CBL: variants seen among roughly 807,000 people sequenced by gnomAD.
The protein encoded by CBL is Cbl proto-oncogene.
In CBL, 45 loss-of-function variants were observed where a neutral mutation model predicts 96.9. That is an observed-to-expected ratio of 0.46 (90% CI 0.37 to 0.60). The LOEUF (loss-of-function observed/expected upper bound fraction) is 0.60, where lower values mean the gene tolerates loss of function less well. Among genes scored for constraint, CBL ranks in the 20% least tolerant of loss-of-function variants. The probability of loss-of-function intolerance (pLI) is 0.00; values close to 1 mark genes in which losing one functional copy is unlikely to be tolerated. For synonymous variants in CBL, 420 were observed against 426.8 expected, an observed-to-expected ratio of 0.98 and a Z score of 0.20; for missense variants, 1,024 against 1,143.5, an observed-to-expected ratio of 0.90 and a Z score of 1.51.
chr11:119,256,900 A>AT (rs932652500), intron 2 of CBL, among the ~76,000 whole-genome samples: 5 of 151,964 alleles, frequency 3.3e-5, no homozygotes, highest in African/African-American at 1.2e-4. Context: ...ACATTATTTC[A>AT]TTTTTTTCTA....
chr11:119,218,415 T>C (rs914645579), intron 1 of CBL, among the ~76,000 whole-genome samples: 2 of 152,260 alleles, frequency 1.3e-5, no homozygotes, highest in Admixed American at 1.3e-4. Context: ...CTAAAAGTGA[T>C]ACTAAAACAT....
intron 12 of CBL, among the ~76,000 whole-genome samples, chr11:119,288,674 G>A (rs971937685): frequency 6.6e-6 from 1 of 152,088 alleles, no homozygotes; most frequent in South Asian, 2.1e-4. Context: ...ATACCAGAAC[G>A]CACATGGTCG....
At chr11:119,207,222 A>G (rs1565851837) in intron 1 of CBL, among the ~76,000 whole-genome samples, 1 of 152,204 alleles carries the variant, frequency 6.6e-6, no homozygotes, top group Non-Finnish European at 1.5e-5. Context: ...TTTCCTCCCC[A>G]TCTAGCGCCG....
At chr11:119,250,060 G>A (rs1046467013) in intron 2 of CBL, among the ~76,000 whole-genome samples, 2 of 151,994 alleles carry the variant, frequency 1.3e-5, no homozygotes, top group Non-Finnish European at 2.9e-5. Context: ...GTCCATGCTG[G>A]GCAATTTTTG....
chr11:119,261,966 A>AT (rs549883411), intron 2 of CBL, among the ~76,000 whole-genome samples: 6 of 152,154 alleles, frequency 3.9e-5, no homozygotes, highest in East Asian at 1.9e-4. Context: ...TGTATAAGTG[A>AT]TTTTTTTAAA....
At chr11:119,264,475 C>CT (rs1949784979) in intron 2 of CBL, among the ~76,000 whole-genome samples, 3 of 145,022 alleles carry the variant, frequency 2.1e-5, no homozygotes, top group Non-Finnish European at 3.0e-5. Context: ...TTCTTCTTTT[C>CT]TCTTTTCTTT....
intron 9 of CBL, among the ~76,000 whole-genome samples, chr11:119,280,336 G>A (rs988341688): frequency 2.0e-5 from 3 of 152,102 alleles, no homozygotes; most frequent in African/African-American, 7.2e-5. Flanking sequence ...CTGGATGGTA[G>A]GTAAGTATAT....
chr11:119,301,884 C>G lies in CBL; in HGVS notation c.*2103C>G, dbSNP rs763496685. 1 of 232,904 alleles carries G rather than the reference C, an allele frequency of 4.3e-6. No homozygotes were observed. Among genetic ancestry groups the G allele is most frequent in the Non-Finnish European group, 8.5e-6 (1 of 118,022 alleles). The allele number at this position is 232,904 out of a possible 1,614,324, so 14.4% of individuals were successfully genotyped here. ...TTGCATTTTGTTTAAATATTGAAGG[C>G]CTAGACAAAGAACTAGAAAAAAAAA... On this transcript the variant is annotated 3_prime_UTR_variant, in exon 16 of 16. Coordinates refer to ENST00000264033, the MANE Select transcript of CBL (RefSeq NM_005188.4).
At position 119,304,048 on chromosome 11, in the gene CBL, T is replaced by A. The variant is rs1950118787; in HGVS notation, c.*4267T>A. 4.3e-6 allele frequency: 1 copy of A among 233,530 alleles called. No individual in the cohort carries two copies. Among genetic ancestry groups the A allele is most frequent in the African/African-American group, 2.2e-5 (1 of 45,318 alleles). The allele number at this position is 233,530 out of a possible 1,614,324, so 14.5% of individuals were successfully genotyped here. On this transcript the variant is annotated 3_prime_UTR_variant, in exon 16 of 16. Coordinates refer to ENST00000264033, the MANE Select transcript of CBL (RefSeq NM_005188.4). ...AAAGATCCTTTAGTCAGTTGTTGGG[T>A]CTTCCAAGAGCCAGACATTAATACA...
chr11:119,291,175 T>TCA (rs1950023994), intron 12 of CBL, among the ~76,000 whole-genome samples: 2 of 152,234 alleles, frequency 1.3e-5, no homozygotes, highest in African/African-American at 4.8e-5. Flanking sequence ...GGCAGGAGGA[T>TCA]CACTTGAGTC....
At chr11:119,224,713 C>T (rs996855273) in intron 1 of CBL, among the ~76,000 whole-genome samples, 9 of 151,904 alleles carry the variant, frequency 5.9e-5, no homozygotes, top group Admixed American at 3.9e-4. Flanking sequence ...GCGTCAGCCT[C>T]CTGAGTAGCT....
rs933766443 is a variant in CBL at position 119,306,549 on chromosome 11, T to C, written c.*6768T>C. ...CCTGAAGCAGGGTGTCCTGGGTGCC[T>C]GTGTGTCAGCTCCCTCCTCTCTACC... On this transcript the variant is annotated 3_prime_UTR_variant, in exon 16 of 16. Transcript: ENST00000264033. 1.3e-5 allele frequency: 5 copies of C among 394,622 alleles called. No individual in the cohort carries two copies. The highest frequency in any genetic ancestry group is 2.2e-5 in the Non-Finnish European group (5 of 223,918). The allele number at this position is 394,622 out of a possible 1,614,324, so 24.4% of individuals were successfully genotyped here. A position where few individuals can be genotyped will look rare whatever the true frequency, so the allele number is the denominator to read the frequency against.
At chr11:119,236,597 A>G (rs1204235497) in intron 2 of CBL, among the ~76,000 whole-genome samples, 4 of 40,648 alleles carry the variant, frequency 9.8e-5, no homozygotes, top group African/African-American at 3.3e-4. Context: ...TCTTTTGAGT[A>G]TATATATATA....
At position 119,249,650 on chromosome 11, in the gene CBL, G is replaced by GTTTC. The variant is rs140871704; in HGVS notation, c.443+16971_443+16974dup. 1.3e-4 allele frequency among the ~76,000 whole-genome samples: 20 copies of GTTTC among 149,018 alleles called. 1 individual carries two copies. The highest frequency in any genetic ancestry group is 6.9e-3 in the Middle Eastern group (2 of 288). ...CTAATATTGCTATTATTTTGGTACAGTTTCTTTCTTTCTTTCTTTTTTTTT... is the reference window on the plus strand; with the variant it reads ...CTAATATTGCTATTATTTTGGTACAGTTTCTTTCTTTCTTTCTTTCTTTTTTTTT... On this transcript the variant is annotated intron_variant, in intron 2 of 15. Coordinates refer to ENST00000264033, the MANE Select transcript of CBL (RefSeq NM_005188.4).
intron 2 of CBL, among the ~76,000 whole-genome samples, chr11:119,257,468 T>G (rs1828313326): frequency 6.6e-6 from 1 of 152,242 alleles, no homozygotes; most frequent in African/African-American, 2.4e-5. Context: ...TTGTTGTTGT[T>G]GTTTTCCTTG....
rs5795173 is a variant in CBL at position 119,264,442 on chromosome 11, T to TCTTCTC, written c.444-7293_444-7292insCTTCTC. Among the ~76,000 whole-genome samples the TCTTCTC allele has an allele frequency of 5.1e-3, 227 of 44,382 alleles. 1 individual carries two copies. The highest frequency in any genetic ancestry group is 0.014 in the Middle Eastern group (1 of 74). The allele number at this position is 44,382 out of a possible 152,430, so 29.1% of individuals were successfully genotyped here. On this transcript the variant is annotated intron_variant, in intron 2 of 15. Coordinates refer to ENST00000264033, the MANE Select transcript of CBL (RefSeq NM_005188.4). ...TCTTCTCTTCTCTTCTCTTCTCTTC[T>TCTTCTC]TTCTCTTCTCTTCTCTTCTCTTTTC...
chr11:119,302,214 G>C lies in CBL; in HGVS notation c.*2433G>C, dbSNP rs1950106744. On this transcript the variant is annotated 3_prime_UTR_variant, in exon 16 of 16. Transcript: ENST00000264033. ...GTCACAGGTATCTGCCAGCATTCAA[G>C]GTTTTGGATCATTTCATGAGGATCT... The C allele has an allele frequency of 4.3e-6, 1 of 232,806 alleles. No individual in the cohort carries two copies. The highest frequency in any genetic ancestry group is 2.2e-5 in the African/African-American group (1 of 45,332). The allele number at this position is 232,806 out of a possible 1,614,324, so 14.4% of individuals were successfully genotyped here.
chr11:119,287,860 TAGC>T lies in CBL; in HGVS notation c.1954_1956del (p.Ser652del), dbSNP rs1451868871. The T allele has an allele frequency of 6.2e-7, 1 of 1,608,264 alleles. No homozygotes were observed. Among genetic ancestry groups the T allele is most frequent in the African/African-American group, 1.3e-5 (1 of 74,786 alleles). On this transcript the variant is annotated inframe_deletion, in exon 12 of 16. Transcript: ENST00000264033. ...TTTTCTTTACTTTCCAGAGTATGAA[TAGC>T]AGCCCATTAGTAGGTCCAGAGTGTG...
At chr11:119,267,559 C>T (rs1949812652) in intron 2 of CBL, among the ~76,000 whole-genome samples, 1 of 152,198 alleles carries the variant, frequency 6.6e-6, no homozygotes, top group African/African-American at 2.4e-5. Flanking sequence ...TCGATAAGGT[C>T]TCTGAGACTA....
Sources: allele counts gnomAD v4.1 joint callset (sites outside exome capture counted in the v4.1 genomes callset), GRCh38; gene constraint gnomAD v4.1.1; transcripts MANE v1.5; gene names NCBI Gene and HGNC (gene_info 2026-07-23, HGNC 2026-07-21).